The following PACRG variants were observed in gnomAD, a reference collection of about 807,000 sequenced individuals.
The protein encoded by PACRG is parkin coregulated, also known as parkin coregulated gene protein.
Under a neutral mutation model 29.7 loss-of-function variants are expected in PACRG, and 29 were observed. The ratio of observed to expected loss-of-function variants is 0.98; its 90% CI spans 0.73 to 1.33. The LOEUF (loss-of-function observed/expected upper bound fraction) is 1.33. Ranked by LOEUF, PACRG falls within the 40% of genes most tolerant of loss-of-function variation. The pLI is 0.00. For synonymous variants in PACRG, 116 were observed against 118.7 expected, an observed-to-expected ratio of 0.98 and a Z score of 0.15; for missense variants, 279 against 316.2, an observed-to-expected ratio of 0.88 and a Z score of 0.89.
At chr6:163,071,568 T>C (rs1812054338) in intron 3 of PACRG, among the ~76,000 whole-genome samples, 1 of 151,854 alleles carries the variant, frequency 6.6e-6, no homozygotes, top group African/African-American at 2.4e-5. Context: ...TGTATAGCTG[T>C]AAGGCTACAT....
At chr6:162,910,247 C>T (rs905737096) in intron 2 of PACRG, among the ~76,000 whole-genome samples, 2 of 152,184 alleles carry the variant, frequency 1.3e-5, no homozygotes, top group East Asian at 1.9e-4. Flanking sequence ...CAAGGTCACA[C>T]GGGTTCTAAA....
chr6:163,217,711 T>C (rs963626217), intron 4 of PACRG, among the ~76,000 whole-genome samples: 3 of 152,108 alleles, frequency 2.0e-5, no homozygotes, highest in Non-Finnish European at 2.9e-5. Context: ...AGCAGCAGCA[T>C]TGGATTCTCA....
chr6:163,257,865 C>T (rs1051439306), intron 4 of PACRG, among the ~76,000 whole-genome samples: 1 of 152,092 alleles, frequency 6.6e-6, no homozygotes, highest in African/African-American at 2.4e-5. Context: ...ACAACTGGTG[C>T]CAACTAATAA....
intron 2 of PACRG, among the ~76,000 whole-genome samples, chr6:162,841,742 A>C (rs1789792370): frequency 2.0e-5 from 3 of 149,858 alleles, no homozygotes; most frequent in African/African-American, 7.4e-5. Context: ...TAGTGCTATA[A>C]ATTTCCCTCT....
At chr6:162,799,287 CTTTA>C (rs939602663) in intron 1 of PACRG, among the ~76,000 whole-genome samples, 5 of 152,182 alleles carry the variant, frequency 3.3e-5, no homozygotes, top group African/African-American at 1.2e-4. Context: ...GCATTACTAT[CTTTA>C]TTTAGGGCAG....
chr6:162,879,638 A>G (rs923029732), intron 2 of PACRG, among the ~76,000 whole-genome samples: 1 of 152,264 alleles, frequency 6.6e-6, no homozygotes, highest in Non-Finnish European at 1.5e-5. Context: ...AGGAGGCTTC[A>G]TTCATTAATT....
chr6:163,244,210 A>AT (rs1258396400), intron 4 of PACRG, among the ~76,000 whole-genome samples: 1 of 150,354 alleles, frequency 6.7e-6, no homozygotes, highest in Middle Eastern at 3.2e-3. Flanking sequence ...CATACCATTC[A>AT]TTTAAATCAT....
At chr6:163,166,226 G>A (rs1230274823) in intron 4 of PACRG, 2 of 456,202 alleles carry the variant, frequency 4.4e-6, no homozygotes, top group Non-Finnish European at 8.8e-6. Flanking sequence ...TTCTCTCCCT[G>A]CTCTCCTCTT....
At chr6:162,767,629 T>C (rs953676558) in intron 1 of PACRG, among the ~76,000 whole-genome samples, 3 of 151,916 alleles carry the variant, frequency 2.0e-5, no homozygotes, top group African/African-American at 4.8e-5. Flanking sequence ...GGGGAGAATT[T>C]AACATATTTA....
At chr6:163,119,758 C>T (rs1429268819) in intron 4 of PACRG, among the ~76,000 whole-genome samples, 1 of 152,114 alleles carries the variant, frequency 6.6e-6, no homozygotes, top group Non-Finnish European at 1.5e-5. Flanking sequence ...ATAGGAGGGT[C>T]AAGGCAAGAA....
chr6:162,818,787 G>T (rs1209305197), intron 2 of PACRG, among the ~76,000 whole-genome samples: 1 of 152,072 alleles, frequency 6.6e-6, no homozygotes, highest in Non-Finnish European at 1.5e-5. Flanking sequence ...CACTAAGACG[G>T]TCTTGTTTTC....
chr6:163,093,215 G>A (rs778653087), intron 4 of PACRG, among the ~76,000 whole-genome samples: 14 of 152,160 alleles, frequency 9.2e-5, no homozygotes, highest in Non-Finnish European at 1.9e-4. Context: ...CCTGGGCCAC[G>A]GTCCTCTTTG....
chr6:163,241,960 G>A (rs1318605761), intron 4 of PACRG, among the ~76,000 whole-genome samples: 1 of 152,098 alleles, frequency 6.6e-6, no homozygotes, highest in Non-Finnish European at 1.5e-5. Context: ...ACGTGAGGGT[G>A]GGCTCAGACT....
chr6:163,052,414 GAGTA>G (rs1585098352), intron 2 of PACRG, among the ~76,000 whole-genome samples: 1 of 152,154 alleles, frequency 6.6e-6, no homozygotes, highest in African/African-American at 2.4e-5. Flanking sequence ...GAAAGCATAA[GAGTA>G]AGTCTCTGAT....
intron 2 of PACRG, chr6:163,042,638 C>G (rs1808848073): frequency 1.3e-5 from 2 of 149,864 alleles, no homozygotes; most frequent in Admixed American, 6.6e-5. Context: ...GTACATTTTT[C>G]TATGTCATTT....
chr6:163,161,653 C>T (rs1016450285), intron 4 of PACRG, among the ~76,000 whole-genome samples: 3 of 152,136 alleles, frequency 2.0e-5, no homozygotes, highest in Admixed American at 6.5e-5. Flanking sequence ...TGTTTCATTT[C>T]GAAAGAGATC....
Position 162,924,742 on chromosome 6 carries a change from A to G in PACRG, c.291+110461A>G, listed in dbSNP as rs564457554. ...TCTTGCAAATCGATACCCTAACATC[A>G]CAACTAAAAGAACTAGAGAAGCAAG... On this transcript the variant is annotated intron_variant, in intron 2 of 4. Transcript: ENST00000366888. Among the ~76,000 whole-genome samples, 6 of 152,254 alleles carry G rather than the reference A, an allele frequency of 3.9e-5. No individual in the cohort carries two copies. The East Asian group carries it at 7.7e-4, about 20-fold the overall frequency.
At chr6:162,748,369 T>A (rs1324648764) in intron 1 of PACRG, among the ~76,000 whole-genome samples, 1 of 152,154 alleles carries the variant, frequency 6.6e-6, no homozygotes, top group East Asian at 1.9e-4. Flanking sequence ...GGCACCTGCC[T>A]GTTATCCCAG....
intron 4 of PACRG, among the ~76,000 whole-genome samples, chr6:163,125,077 G>A (rs539098672): frequency 4.9e-4 from 74 of 152,206 alleles, no homozygotes; most frequent in Non-Finnish European, 9.1e-4. Flanking sequence ...ACAGTAGAGC[G>A]TTCAGAAAAA....
Sources: gnomAD v4.1 joint callset for allele counts (sites outside exome capture counted in the v4.1 genomes callset) on GRCh38, gnomAD v4.1.1 for gene constraint, MANE v1.5 for transcripts, NCBI Gene and HGNC (gene_info 2026-07-23, HGNC 2026-07-21) for gene names.